UTP18: variants seen among roughly 807,000 people sequenced by gnomAD.
UTP18 encodes the protein U3 small nucleolar RNA-associated protein 18 homolog.
Under a neutral mutation model 61.1 loss-of-function variants are expected in UTP18, and 36 were observed. That is an observed-to-expected ratio of 0.59 (90% CI 0.45 to 0.78). UTP18 has a LOEUF of 0.78. UTP18 is among the 30% of genes least tolerant of loss of function. The pLI is 0.00. For synonymous variants in UTP18, 282 were observed against 251.1 expected (o/e 1.12, Z -1.16); for missense variants, 753 against 693.9 (o/e 1.09, Z -0.96).
chr17:51,290,984 A>G (rs1050854321), intron 11 of UTP18, among the ~76,000 whole-genome samples: 3 of 152,256 alleles, frequency 2.0e-5, no homozygotes, highest in African/African-American at 4.8e-5. Flanking sequence ...TTCCTGTTAC[A>G]TCGACAATTT....
At chr17:51,272,124 A>T (rs1017688450) in intron 4 of UTP18, among the ~76,000 whole-genome samples, 6 of 151,750 alleles carry the variant, frequency 4.0e-5, no homozygotes, top group African/African-American at 1.5e-4. Context: ...TTTGAGACAG[A>T]GTCTTATTCT....
intron 11 of UTP18, among the ~76,000 whole-genome samples, chr17:51,289,426 C>G (rs976559089): frequency 5.4e-5 from 8 of 147,426 alleles, no homozygotes; most frequent in African/African-American, 2.0e-4. Context: ...TCAGGCTGGT[C>G]TCGAACTCCC....
chr17:51,275,572 G>A (rs117760862), intron 5 of UTP18, among the ~76,000 whole-genome samples: 3,515 of 152,246 alleles, frequency 0.023, 60 homozygotes, highest in Non-Finnish European at 0.031. Flanking sequence ...ACATACTAGT[G>A]CTCCAAGAAT....
At chr17:51,273,739 T>TAATTA (rs1555554828) in intron 5 of UTP18, among the ~76,000 whole-genome samples, 1 of 141,030 alleles carries the variant, frequency 7.1e-6, no homozygotes, top group Admixed American at 7.1e-5. Flanking sequence ...GTCTCTAAAA[T>TAATTA]AATAAATAAA....
chr17:51,265,629 T>G (rs1403745619), intron 2 of UTP18, among the ~76,000 whole-genome samples: 2 of 125,650 alleles, frequency 1.6e-5, no homozygotes, highest in African/African-American at 6.1e-5. Flanking sequence ...AGTGCCACAA[T>G]CTGGGCTCAT....
chr17:51,278,320 C>T (rs1271105736), intron 7 of UTP18, among the ~76,000 whole-genome samples: 1 of 152,110 alleles, frequency 6.6e-6, no homozygotes, highest in Non-Finnish European at 1.5e-5. Flanking sequence ...ACTGTGTGGT[C>T]CATGGACCTC....
At chr17:51,273,642 G>A (rs2144409152) in intron 5 of UTP18, among the ~76,000 whole-genome samples, 192 bp downstream of exon 5, 1 of 147,114 alleles carries the variant, frequency 6.8e-6, no homozygotes, top group East Asian at 2.0e-4. Flanking sequence ...GAGGTATTAT[G>A]TTCCTATTGC....
chr17:51,296,469 C>T (rs972502008), intron 12 of UTP18: 2 of 152,532 alleles, frequency 1.3e-5, no homozygotes, highest in African/African-American at 4.8e-5. Context: ...AGGATAATTT[C>T]ATCAGTCTCA....
At chr17:51,281,241 A>G (rs1904911668) in intron 9 of UTP18, among the ~76,000 whole-genome samples, 1 of 150,542 alleles carries the variant, frequency 6.6e-6, no homozygotes, top group African/African-American at 2.4e-5. Context: ...TTTAGAATTC[A>G]TTTTTGTTGC....
intron 6 of UTP18, 68 bp downstream of exon 6, chr17:51,276,059 C>T: frequency 1.4e-6 from 2 of 1,457,754 alleles, no homozygotes; most frequent in Non-Finnish European, 1.8e-6. Flanking sequence ...ACATTTGCAA[C>T]CCCAAATGCA....
At chr17:51,295,001 C>T (rs984197711) in intron 12 of UTP18, among the ~76,000 whole-genome samples, 5 of 151,926 alleles carry the variant, frequency 3.3e-5, no homozygotes, top group African/African-American at 1.2e-4. Context: ...TAAATGTCTT[C>T]TTTTGAGAAG....
chr17:51,297,510 G>C (rs1310758831), intron 13 of UTP18, among the ~76,000 whole-genome samples: 1 of 152,130 alleles, frequency 6.6e-6, no homozygotes, highest in East Asian at 1.9e-4. Context: ...GAGATGTGGT[G>C]GTTCTGAGAT....
intron 9 of UTP18, among the ~76,000 whole-genome samples, chr17:51,282,898 T>G (rs1308043551): frequency 7.3e-6 from 1 of 136,426 alleles, no homozygotes; most frequent in Non-Finnish European, 1.5e-5. Flanking sequence ...AGACAGAGTC[T>G]CACTCTGTTG....
At chr17:51,264,781 C>T (rs2144392499) in intron 2 of UTP18, among the ~76,000 whole-genome samples, 1 of 151,478 alleles carries the variant, frequency 6.6e-6, no homozygotes, top group South Asian at 2.1e-4. Context: ...CTCCCAGGTT[C>T]AAGCGATTCT....
rs903089989 is a variant in UTP18 at position 51,280,403 on chromosome 17, T to A, written c.1128T>A (p.Ile376=). ...HLLAMKTKEL[I]GSMKINGRVA... ...TATTGTTTTAGACCAAAGAACTGAT[T>A]GGAAGCATGAAAATTAATGGAAGGG... Residue 376 remains isoleucine, a synonymous_variant, in exon 9 of 14, where the codon ATT becomes ATA. Coordinates refer to ENST00000225298, the MANE Select transcript of UTP18 (RefSeq NM_016001.3). 6.2e-7 allele frequency: 1 copy of A among 1,614,154 alleles called. No homozygotes were observed. The highest frequency in any genetic ancestry group is 1.6e-4 in the Middle Eastern group (1 of 6,062).
At chr17:51,269,552 C>T (rs1293332561) in intron 4 of UTP18, among the ~76,000 whole-genome samples, 2 of 152,044 alleles carry the variant, frequency 1.3e-5, no homozygotes. Flanking sequence ...TCCTTAGCAT[C>T]CTTCATGTCC....
intron 2 of UTP18, among the ~76,000 whole-genome samples, chr17:51,264,931 C>T (rs558583578): frequency 6.6e-6 from 1 of 152,080 alleles, no homozygotes; most frequent in African/African-American, 2.4e-5. Context: ...GACCTGTTTG[C>T]CTCGGCCTCC....
rs746546839 is a variant in UTP18 at position 51,260,838 on chromosome 17, C to A, written c.254C>A (p.Pro85Gln). The A allele has an allele frequency of 1.3e-6, 2 of 1,598,826 alleles. No individual in the cohort carries two copies. Among genetic ancestry groups the A allele is most frequent in the South Asian group, 1.1e-5 (1 of 88,924 alleles). ...RNRLRLEEDK[P>Q]AVERCLEELV... ...CGCCTGAGGCTGGAGGAGGACAAAC[C>A]GGCCGTGGAGCGGTGCTTGGAGGAG... The change falls in exon 1 of 14, where the codon CCG becomes CAG. Residue 85 changes from proline to glutamine, a missense_variant. Pro to Gln is a moderately conservative substitution (Grantham distance 76). Coordinates refer to ENST00000225298, the MANE Select transcript of UTP18 (RefSeq NM_016001.3).
intron 9 of UTP18, among the ~76,000 whole-genome samples, chr17:51,282,864 C>CTT (rs1904987373): frequency 2.6e-5 from 2 of 77,568 alleles, no homozygotes; most frequent in African/African-American, 1.3e-4. Context: ...TCTTCTTCTT[C>CTT]TTCTTTTTTT....
Sources: gnomAD v4.1 joint callset for allele counts (sites outside exome capture counted in the v4.1 genomes callset) on GRCh38, gnomAD v4.1.1 for gene constraint, MANE v1.5 for transcripts, NCBI Gene and HGNC (gene_info 2026-07-23, HGNC 2026-07-21) for gene names.